Variants in USP7 observed in about 807,000 individuals in gnomAD.
The protein encoded by USP7 is ubiquitin specific peptidase 7.
A neutral mutation model predicts 162.9 loss-of-function variants in USP7; 9 were observed. The ratio of observed to expected loss-of-function variants is 0.06; its 90% confidence interval spans 0.03 to 0.10. USP7 has a LOEUF of 0.10. USP7 is among the 10% of genes least tolerant of loss of function. The pLI is 1.00. For synonymous variants in USP7, 562 were observed against 475.9 expected, an observed-to-expected ratio of 1.18 and a Z score of -2.35; for missense variants, 715 against 1,373.7, an observed-to-expected ratio of 0.52 and a Z score of 7.58.
chr16:8,923,534 G>GA (rs1293045164), intron 2 of USP7, 121 bp from the exon 3 acceptor site: 1 of 1,039,092 alleles, frequency 9.6e-7, no homozygotes, highest in Non-Finnish European at 1.4e-6. Flanking sequence ...CTAACAGTTT[G>GA]AAAAAATTGC....
At chr16:8,899,093 C>A in intron 23 of USP7, 28 bp downstream of exon 23, 5 of 1,612,470 alleles carry the variant, frequency 3.1e-6, no homozygotes, top group Non-Finnish European at 4.2e-6. Context: ...CAGTCAAGAC[C>A]AAGCAAGTGT....
chr16:8,934,079 G>C lies in USP7; in HGVS notation c.80-3682C>G, dbSNP rs567837755. Among the ~76,000 whole-genome samples, 14 of 152,254 alleles carry C rather than the reference G, an allele frequency of 9.2e-5. No homozygotes were observed. The East Asian group carries it at 1.5e-3, about 17-fold the overall frequency. Reference sequence around the variant, plus strand: ...GGCCTATAAATCTTAAAAGTAATTTGCTAGACGTACACCCAGTACTTTTAA... The same window carrying C: ...GGCCTATAAATCTTAAAAGTAATTTCCTAGACGTACACCCAGTACTTTTAA... On this transcript the variant is annotated intron_variant, in intron 1 of 30. Transcript: ENST00000344836.
intron 1 of USP7, among the ~76,000 whole-genome samples, chr16:8,957,284 C>T (rs1899848169): frequency 1.3e-5 from 2 of 152,160 alleles, no homozygotes; most frequent in African/African-American, 4.8e-5. Flanking sequence ...TTCTTAAGTC[C>T]AAATTAGTTC....
chr16:8,895,295 A>G, intron 27 of USP7, 145 bp from the exon 28 acceptor site: 1 of 1,252,696 alleles, frequency 8.0e-7, no homozygotes, highest in South Asian at 1.4e-5. Flanking sequence ...AGCCAGAGTG[A>G]TGGGCACTCA....
chr16:8,893,729 C>A lies in USP7; in HGVS notation c.*269G>T. The A allele has an allele frequency of 2.5e-6, 1 of 399,952 alleles. No individual in the cohort carries two copies. Among genetic ancestry groups the A allele is most frequent in the Non-Finnish European group, 4.7e-6 (1 of 211,920 alleles). 24.8% of individuals were successfully genotyped at this position (399,952 alleles called of 1,614,324 possible). On this transcript the variant is annotated 3_prime_UTR_variant, in exon 31 of 31. Coordinates refer to ENST00000344836, the MANE Select transcript of USP7 (RefSeq NM_003470.3). ...CCCCGATCCACTAACCTCTTCTCCC[C>A]CATTGCGCTGACAGTTGCCTTGCAC...
intron 2 of USP7, among the ~76,000 whole-genome samples, chr16:8,924,194 T>C (rs182173466): frequency 1.1e-4 from 17 of 152,350 alleles, no homozygotes; most frequent in African/African-American, 4.1e-4. Flanking sequence ...CATTTGCATG[T>C]GGCCATCGGT....
rs536570844 is a variant in USP7 at position 8,916,200 on chromosome 16, C to A, written c.906+302G>T. On this transcript the variant is annotated intron_variant, in intron 8 of 30. Coordinates refer to ENST00000344836, the MANE Select transcript of USP7 (RefSeq NM_003470.3). ...GACTCAGGACCAACGGGACAGCCAACAAAGCCAGTCTTTGGTTTCTGGATT... is the reference window on the plus strand; with the variant it reads ...GACTCAGGACCAACGGGACAGCCAAAAAAGCCAGTCTTTGGTTTCTGGATT... 5.3e-5 allele frequency among the ~76,000 whole-genome samples: 8 copies of A among 152,304 alleles called. No homozygotes were observed. The East Asian group carries it at 1.5e-3, about 29-fold the overall frequency.
At chr16:8,956,536 G>A (rs543989003) in intron 1 of USP7, among the ~76,000 whole-genome samples, 5 of 152,264 alleles carry the variant, frequency 3.3e-5, no homozygotes, top group South Asian at 2.1e-4. Flanking sequence ...AGGCGGAGGC[G>A]GGCAGACTGC....
chr16:8,904,039 CTCTG>C (rs1343961053), intron 15 of USP7, among the ~76,000 whole-genome samples: 3 of 152,214 alleles, frequency 2.0e-5, no homozygotes, highest in Non-Finnish European at 4.4e-5. Context: ...TTAATCACTT[CTCTG>C]TCTGGTGGCC....
chr16:8,910,360 ATTAAAAATACAT>A (rs1349151904), intron 11 of USP7, among the ~76,000 whole-genome samples: 7 of 152,216 alleles, frequency 4.6e-5, no homozygotes, highest in Non-Finnish European at 7.3e-5. Context: ...AACTAAATTC[ATTAAAAATACAT>A]TTAAAAATAA....
intron 3 of USP7, among the ~76,000 whole-genome samples, chr16:8,922,158 C>T (rs1897729291): frequency 6.6e-6 from 1 of 152,184 alleles, no homozygotes; most frequent in South Asian, 2.1e-4. Flanking sequence ...ATCCACAGGC[C>T]CTGGCTGCAT....
chr16:8,926,691 A>C (rs1390370753), intron 2 of USP7, among the ~76,000 whole-genome samples: 2 of 152,192 alleles, frequency 1.3e-5, no homozygotes, highest in Non-Finnish European at 2.9e-5. Context: ...ATTAGCAAGG[A>C]CACCCACATT....
At chr16:8,911,780 C>T (rs1317454814) in intron 10 of USP7, among the ~76,000 whole-genome samples, 3 of 152,194 alleles carry the variant, frequency 2.0e-5, no homozygotes, top group Non-Finnish European at 2.9e-5. Flanking sequence ...GCAGTTTCTT[C>T]CGAAGCTGTC....
chr16:8,893,785 A>G lies in USP7; in HGVS notation c.*213T>C, dbSNP rs2061640459. 2 of 532,846 alleles carry G rather than the reference A, an allele frequency of 3.8e-6. No homozygotes were observed. The highest frequency in any genetic ancestry group is 6.8e-6 in the Non-Finnish European group (2 of 294,520). 33.0% of individuals were successfully genotyped at this position (532,846 alleles called of 1,614,324 possible). A position where few individuals can be genotyped will look rare whatever the true frequency, so the allele number is the denominator to read the frequency against. On this transcript the variant is annotated 3_prime_UTR_variant, in exon 31 of 31. Transcript: ENST00000344836. Reference sequence around the variant, plus strand: ...TTACCATAAAATAACTCTCATTGGCATCCAAGCTTTATAAAAACATCTTCA... The same window carrying G: ...TTACCATAAAATAACTCTCATTGGCGTCCAAGCTTTATAAAAACATCTTCA...
chr16:8,959,049 CCACCAAGGCAA>C (rs1899909233), intron 1 of USP7, among the ~76,000 whole-genome samples: 1 of 152,154 alleles, frequency 6.6e-6, no homozygotes, highest in African/African-American at 2.4e-5. Flanking sequence ...AAAAGCCCTA[CCACCAAGGCAA>C]CACCATGTGC....
intron 2 of USP7, among the ~76,000 whole-genome samples, chr16:8,924,555 A>AG (rs1269811571): frequency 6.6e-6 from 1 of 152,236 alleles, no homozygotes; most frequent in Non-Finnish European, 1.5e-5. Context: ...TGAGACTTGT[A>AG]GGCTTGGGTA....
intron 4 of USP7, 137 bp downstream of exon 4, chr16:8,921,020 G>C: frequency 1.0e-6 from 1 of 997,352 alleles, no homozygotes; most frequent in Non-Finnish European, 1.4e-6. Flanking sequence ...GAGAAAACAT[G>C]TTTTCAAAGA....
At chr16:8,962,700 C>T in intron 1 of USP7, 1 of 199,762 alleles carries the variant, frequency 5.0e-6, no homozygotes, top group Non-Finnish European at 1.1e-5. Flanking sequence ...CGAACGTAAG[C>T]CCGACGCTAG....
intron 6 of USP7, 119 bp from the exon 7 acceptor site, chr16:8,917,275 T>G (rs1452292738): frequency 8.0e-7 from 1 of 1,256,284 alleles, no homozygotes; most frequent in Non-Finnish European, 1.1e-6. Context: ...ATGGCTAAGG[T>G]TGTTGTTAGG....
Sources: allele counts gnomAD v4.1 joint callset (sites outside exome capture counted in the v4.1 genomes callset), GRCh38; gene constraint gnomAD v4.1.1; transcripts MANE v1.5; gene names NCBI Gene and HGNC (gene_info 2026-07-23, HGNC 2026-07-21).